ZDHHC23: variants seen among roughly 807,000 people sequenced by gnomAD.
ZDHHC23 encodes palmitoyltransferase ZDHHC23.
A neutral mutation model predicts 40.2 loss-of-function variants in ZDHHC23; 41 were observed. That is an observed-to-expected ratio of 1.02 (90% CI 0.79 to 1.32). ZDHHC23 has a LOEUF of 1.32. Among genes scored for constraint, ZDHHC23 ranks in the 40% most tolerant of loss-of-function variants. ZDHHC23 has a pLI of 0.00. For missense variants in ZDHHC23, 471 were observed against 541.5 expected (o/e 0.87, Z 1.29); for synonymous variants, 204 against 210.2 (o/e 0.97, Z 0.26).
At chr3:113,975,958 T>G in the ZDHHC23 span, among the ~76,000 whole-genome samples, 3 of 152,248 alleles carry the variant, frequency 2.0e-5, no homozygotes, top group South Asian at 6.2e-4. Flanking sequence ...ATCTTACTAT[T>G]TTATAGTCTA....
At chr3:113,969,907 A>C (rs1940628558), downstream of ZDHHC23, among the ~76,000 whole-genome samples, 2 of 152,112 alleles carry the variant, frequency 1.3e-5, no homozygotes, top group African/African-American at 4.8e-5. Context: ...ATTTTGATAG[A>C]GATTGCATTG....
the ZDHHC23 span, among the ~76,000 whole-genome samples, chr3:113,972,030 T>G: frequency 1.3e-5 from 2 of 152,150 alleles, no homozygotes; most frequent in Non-Finnish European, 2.9e-5. Flanking sequence ...TTATGTCTCC[T>G]TTTTCATTTC....
chr3:113,975,028 A>C, the ZDHHC23 span, among the ~76,000 whole-genome samples: 18 of 152,296 alleles, frequency 1.2e-4, no homozygotes, highest in East Asian at 2.9e-3. Context: ...AAGGGTTCTT[A>C]AGCTGGGTCC....
At chr3:113,968,639 T>C (rs991725939), downstream of ZDHHC23, among the ~76,000 whole-genome samples, 2 of 151,514 alleles carry the variant, frequency 1.3e-5, no homozygotes, top group Non-Finnish European at 2.9e-5. Context: ...TTTTTTTTTT[T>C]GGTAGAGATG....
chr3:113,949,000 C>A (rs1938405165), intron 2 of ZDHHC23, 37 bp downstream of exon 2: 1 of 1,611,664 alleles, frequency 6.2e-7, no homozygotes, highest in Admixed American at 1.7e-5. Context: ...GGCCCCATCA[C>A]CCTTCTGAGA....
chr3:113,960,708 T>TA lies in ZDHHC23; in HGVS notation c.*2079dup. ...ATGATGACAATTTTTTTTAACAACT[T>TA]ACCTCTAATAGGGTTACTTGGATGA... On this transcript the variant is annotated 3_prime_UTR_variant, in exon 5 of 5. Coordinates refer to ENST00000638807, the MANE Select transcript of ZDHHC23 (RefSeq NM_001320466.2). 6.2e-7 allele frequency: 1 copy of TA among 1,604,780 alleles called. No individual in the cohort carries two copies. Among genetic ancestry groups the TA allele is most frequent in the African/African-American group, 1.3e-5 (1 of 74,390 alleles).
intron 3 of ZDHHC23, among the ~76,000 whole-genome samples, chr3:113,955,692 T>C (rs1168430095): frequency 6.6e-6 from 1 of 152,230 alleles, no homozygotes; most frequent in African/African-American, 2.4e-5. Flanking sequence ...GTTTTCATAA[T>C]TCTATTTATC....
At position 113,962,274 on chromosome 3, in the gene ZDHHC23, A is replaced by ATC. The variant is rs2107526833; in HGVS notation, c.*3644_*3645insTC. 1 of 152,354 alleles carries ATC rather than the reference A, an allele frequency of 6.6e-6. No individual in the cohort carries two copies. Among genetic ancestry groups the ATC allele is most frequent in the East Asian group, 1.9e-4 (1 of 5,186 alleles). 9.4% of individuals were successfully genotyped at this position (152,354 alleles called of 1,614,324 possible). ...TGTGACTAATATAAATTTCTTGCAG[A>ATC]ATCAGCTACACTTAATTATGTTGCT... On this transcript the variant is annotated 3_prime_UTR_variant, in exon 5 of 5. Transcript: ENST00000638807.
In ZDHHC23 at chr3:113,961,448, A is replaced by G. The variant is rs1201934737; in HGVS notation, c.*2818A>G. The G allele has an allele frequency of 1.3e-5, 2 of 152,778 alleles. No individual in the cohort carries two copies. The highest frequency in any genetic ancestry group is 3.9e-4 in the East Asian group (2 of 5,182). 9.5% of individuals were successfully genotyped at this position (152,778 alleles called of 1,614,324 possible). On this transcript the variant is annotated 3_prime_UTR_variant, in exon 5 of 5. Transcript: ENST00000638807. The stretch of plus-strand genomic sequence containing the variant: ...TCCTTCAATATTTAAAATGTTTCTT[A>G]CAATACCCACGGAGCACTTTTATGG...
Position 113,960,338 on chromosome 3 carries a change from G to T in ZDHHC23, c.*1708G>T. 3 of 1,076,128 alleles carry T rather than the reference G, an allele frequency of 2.8e-6. No homozygotes were observed. Among genetic ancestry groups the T allele is most frequent in the Non-Finnish European group, 3.4e-6 (3 of 887,926 alleles). The allele number at this position is 1,076,128 out of a possible 1,614,324, so 66.7% of individuals were successfully genotyped here. A position where few individuals can be genotyped will look rare whatever the true frequency, so the allele number is the denominator to read the frequency against. ...GGCTCTGTGCCTGGGGATGTTAGCA[G>T]ACTCTGGGGTTTGTACAGTGATGCC... On this transcript the variant is annotated 3_prime_UTR_variant, in exon 5 of 5. Coordinates refer to ENST00000638807, the MANE Select transcript of ZDHHC23 (RefSeq NM_001320466.2).
At chr3:113,965,155 T>C, downstream of ZDHHC23, 1 of 1,590,838 alleles carries the variant, frequency 6.3e-7, no homozygotes, top group South Asian at 1.1e-5. Context: ...CTAATCTGGC[T>C]CATTCGTTCA....
chr3:113,957,546 G>A (rs769214598), intron 4 of ZDHHC23: 65 of 386,100 alleles, frequency 1.7e-4, no homozygotes, highest in Middle Eastern at 9.4e-4. Flanking sequence ...CGAGGGAACC[G>A]AGGAATACAG....
downstream of ZDHHC23, among the ~76,000 whole-genome samples, chr3:113,965,761 T>A (rs952240018): frequency 8.6e-5 from 13 of 151,980 alleles, no homozygotes; most frequent in African/African-American, 2.7e-4. Flanking sequence ...GGCTAATTTT[T>A]TTTTTGTATT....
chr3:113,948,645 G>T, intron 1 of ZDHHC23, 41 bp from the exon 2 acceptor site: 3 of 813,974 alleles, frequency 3.7e-6, no homozygotes, highest in Non-Finnish European at 1.9e-6. Context: ...GATGAAAACG[G>T]GACCCCCTCC....
intron 1 of ZDHHC23, 28 bp from the exon 2 acceptor site, chr3:113,948,658 C>G (rs377540697): frequency 7.2e-5 from 68 of 943,660 alleles, no homozygotes; most frequent in South Asian, 5.6e-4. Context: ...CCCCCTCCCC[C>G]TCTCTCTTCT....
chr3:113,957,655 G>C (rs1939359148), intron 4 of ZDHHC23: 1 of 477,222 alleles, frequency 2.1e-6, no homozygotes, highest in Non-Finnish European at 4.2e-6. Flanking sequence ...GGTCCCTTCA[G>C]CTTTTACAAA....
At chr3:113,974,866 ATC>A in the ZDHHC23 span, among the ~76,000 whole-genome samples, 2 of 151,524 alleles carry the variant, frequency 1.3e-5, no homozygotes, top group South Asian at 2.1e-4. Context: ...TGCTCTCTCA[ATC>A]TCTCTCTTTC....
At chr3:113,977,269 A>G in the ZDHHC23 span, among the ~76,000 whole-genome samples, 1 of 152,240 alleles carries the variant, frequency 6.6e-6, no homozygotes, top group African/African-American at 2.4e-5. Context: ...AGCCCGGGCA[A>G]CAGAGTAATG....
the ZDHHC23 span, among the ~76,000 whole-genome samples, chr3:113,976,812 G>A: frequency 1.2e-4 from 18 of 152,102 alleles, no homozygotes; most frequent in East Asian, 1.2e-3. Context: ...ATTTGTTCAG[G>A]GTCACATAGA....
Sources: allele counts gnomAD v4.1 joint callset (sites outside exome capture counted in the v4.1 genomes callset), GRCh38; gene constraint gnomAD v4.1.1; transcripts MANE v1.5; gene names NCBI Gene and HGNC (gene_info 2026-07-23, HGNC 2026-07-21).